GRIP2: variants seen among roughly 807,000 people sequenced by gnomAD.
GRIP2 encodes glutamate receptor interacting protein 2, also known as glutamate receptor-interacting protein 2.
GRIP2 carries 58 observed loss-of-function variants against 108.3 expected under a neutral mutation model. That is an observed-to-expected ratio of 0.54 (90% confidence interval 0.43 to 0.67). The LOEUF (loss-of-function observed/expected upper bound fraction) is 0.67. Among genes scored for constraint, GRIP2 ranks in the 30% least tolerant of loss-of-function variants. The pLI, the probability that GRIP2 is intolerant of heterozygous loss-of-function variation, is 0.00. For synonymous variants in GRIP2, 586 were observed against 598.2 expected, an observed-to-expected ratio of 0.98 and a Z score of 0.30; for missense variants, 1,278 against 1,430.6, an observed-to-expected ratio of 0.89 and a Z score of 1.72.
chr3:14,565,606 G>A, the GRIP2 span, among the ~76,000 whole-genome samples: 26,182 of 152,126 alleles, frequency 0.17, 2,405 homozygotes, highest in Middle Eastern at 0.29. Context: ...GCAGGGTTGT[G>A]CCACAGGATG....
At chr3:14,510,766 G>A (rs777385632) in intron 16 of GRIP2, among the ~76,000 whole-genome samples, 78 of 152,106 alleles carry the variant, frequency 5.1e-4, no homozygotes, top group Non-Finnish European at 9.3e-4. Context: ...ACTATCTGGC[G>A]TCAGTGGGGC....
chr3:14,550,140 T>C (rs933201631), intron 1 of GRIP2, among the ~76,000 whole-genome samples: 4 of 152,214 alleles, frequency 2.6e-5, no homozygotes, highest in African/African-American at 9.6e-5. Flanking sequence ...CAGTGCCTGC[T>C]GCCTGGCAGC....
At chr3:14,548,803 A>G (rs1282570907) in intron 1 of GRIP2, among the ~76,000 whole-genome samples, 4 of 152,192 alleles carry the variant, frequency 2.6e-5, no homozygotes, top group African/African-American at 9.7e-5. Flanking sequence ...GGGCTTTGGT[A>G]AGACAGCCCA....
chr3:14,564,714 G>A, the GRIP2 span, among the ~76,000 whole-genome samples: 3 of 152,202 alleles, frequency 2.0e-5, no homozygotes, highest in Non-Finnish European at 4.4e-5. Context: ...GATGAATCAC[G>A]TTAATGATCA....
At chr3:14,555,907 A>C (rs9876262) in exon 1 of GRIP2, 97,973 of 399,248 alleles carry the variant, frequency 0.25, 12,742 homozygotes, top group South Asian at 0.32. Context: ...CACCTTTGAG[A>C]CGCCGCCTCA....
intron 16 of GRIP2, among the ~76,000 whole-genome samples, chr3:14,510,919 A>T (rs983418300): frequency 2.0e-5 from 3 of 152,180 alleles, no homozygotes; most frequent in Non-Finnish European, 4.4e-5. Flanking sequence ...TTGGTGCTAG[A>T]TGTGGAGACT....
chr3:14,501,045 A>G (rs955047662), intron 21 of GRIP2, among the ~76,000 whole-genome samples: 1 of 152,256 alleles, frequency 6.6e-6, no homozygotes, highest in Non-Finnish European at 1.5e-5. Flanking sequence ...CCTAATAATT[A>G]TTTAGCCATA....
At chr3:14,581,223 A>C in the GRIP2 span, among the ~76,000 whole-genome samples, 1 of 152,190 alleles carries the variant, frequency 6.6e-6, no homozygotes, top group East Asian at 1.9e-4. Flanking sequence ...CACCCTCCTC[A>C]TCCAAATGAA....
the GRIP2 span, among the ~76,000 whole-genome samples, chr3:14,566,778 T>C: frequency 6.6e-6 from 1 of 152,182 alleles, no homozygotes. Context: ...CCCCTTTCCA[T>C]GGCTTCCAGT....
chr3:14,575,087 C>T, the GRIP2 span, among the ~76,000 whole-genome samples: 2 of 152,090 alleles, frequency 1.3e-5, no homozygotes, highest in African/African-American at 4.8e-5. Flanking sequence ...GCCCATGTGG[C>T]AGGGTGGGGG....
In GRIP2 at chr3:14,548,614, A is replaced by G. The variant is rs144471519; in HGVS notation, c.55+7286T>C. Among the ~76,000 whole-genome samples the G allele has an allele frequency of 1.1e-4, 17 of 152,316 alleles. 2 individuals carry two copies. The East Asian group carries it at 2.5e-3, about 23-fold the overall frequency. On this transcript the variant is annotated intron_variant, in intron 1 of 23. Coordinates refer to the GRIP2 transcript ENST00000637182. ...CCCACCACCCACCCATGGATCAAGCATGACCCTCCGTCCAAACGCAAACGC... is the reference window on the plus strand; with the variant it reads ...CCCACCACCCACCCATGGATCAAGCGTGACCCTCCGTCCAAACGCAAACGC...
chr3:14,494,706 G>A (rs776989399), intron 23 of GRIP2, 137 bp downstream of exon 23: 128 of 1,036,894 alleles, frequency 1.2e-4, no homozygotes, highest in Middle Eastern at 3.3e-4. Flanking sequence ...GCTGGGGCCC[G>A]CAATGCAACT....
Position 14,517,835 on chromosome 3 carries a change from G to A in GRIP2, c.1093C>T (p.Pro365Ser), listed in dbSNP as rs1444430398. 1.2e-6 allele frequency: 2 copies of A among 1,604,384 alleles called. No individual in the cohort carries two copies. Among genetic ancestry groups the A allele is most frequent in the Non-Finnish European group, 1.7e-6 (2 of 1,176,038 alleles). ...GGCATCCTGCAGTGGCCGGGCCGGG[G>A]GCTGTGGCAGGAGGGCACGCAGGGG... is the stretch of plus-strand genomic sequence containing the variant. ...WDPCVPSCHS[P>S]RPGHCRMPTW... The change falls in exon 10 of 24, where the codon CCC becomes TCC. Residue 365 changes from proline to serine, a missense_variant. Physicochemically the swap from Pro to Ser is moderately conservative, Grantham distance 74. Coordinates refer to ENST00000621039, the MANE Select transcript of GRIP2 (RefSeq NM_001080423.4).
At chr3:14,559,571 G>T (rs1004113721), upstream of GRIP2, among the ~76,000 whole-genome samples, 2 of 151,870 alleles carry the variant, frequency 1.3e-5, no homozygotes, top group African/African-American at 4.8e-5. Flanking sequence ...TCTCTGCCTC[G>T]TCCCAAGCTC....
At chr3:14,573,189 C>T in the GRIP2 span, 23 of 1,419,858 alleles carry the variant, frequency 1.6e-5, no homozygotes, top group Middle Eastern at 1.9e-4. Context: ...ATGCCAGGGC[C>T]GCTCCAGGAT....
At chr3:14,568,327 G>A in the GRIP2 span, among the ~76,000 whole-genome samples, 8 of 152,192 alleles carry the variant, frequency 5.3e-5, no homozygotes, top group South Asian at 2.1e-4. Context: ...GACCAGGTCC[G>A]TAAGAGGCAG....
chr3:14,598,658 G>T, the GRIP2 span, among the ~76,000 whole-genome samples: 1 of 151,914 alleles, frequency 6.6e-6, no homozygotes, highest in Non-Finnish European at 1.5e-5. Context: ...CTCCTTCAAG[G>T]GCTCCCATCA....
chr3:14,573,439 G>A, the GRIP2 span: 3 of 1,457,366 alleles, frequency 2.1e-6, no homozygotes, highest in Non-Finnish European at 1.9e-6. Context: ...TGCAGGAAGA[G>A]GGACAGCCAC....
intron 21 of GRIP2, among the ~76,000 whole-genome samples, chr3:14,499,554 A>ATC (rs1693710265): frequency 1.7e-5 from 2 of 116,934 alleles, no homozygotes; most frequent in Non-Finnish European, 4.1e-5. Flanking sequence ...TGTCTCTACC[A>ATC]AAAAAAAGAA....
Sources: allele counts gnomAD v4.1 joint callset (sites outside exome capture counted in the v4.1 genomes callset), GRCh38; gene constraint gnomAD v4.1.1; transcripts MANE v1.5; gene names NCBI Gene and HGNC (gene_info 2026-07-23, HGNC 2026-07-21).